MFHAS1: variants seen among roughly 807,000 people sequenced by gnomAD.
The protein encoded by MFHAS1 is multifunctional ROCO family signaling regulator 1, also known as malignant fibrous histiocytoma-amplified sequence 1.
In MFHAS1, 50 loss-of-function variants were observed where a neutral mutation model predicts 70.4. The ratio of observed to expected loss-of-function variants is 0.71; its 90% CI spans 0.57 to 0.90. The LOEUF is 0.90. Ranked by LOEUF, MFHAS1 falls within the 40% of genes least tolerant of loss-of-function variation. MFHAS1 has a pLI of 0.00. For missense variants in MFHAS1, 1,795 were observed against 1,347.6 expected (o/e 1.33, Z -5.20); for synonymous variants, 952 against 620.0 (o/e 1.54, Z -7.96).
At chr8:8,813,058 C>T (rs1327210535) in intron 1 of MFHAS1, among the ~76,000 whole-genome samples, 1 of 152,180 alleles carries the variant, frequency 6.6e-6, no homozygotes, top group East Asian at 1.9e-4. Context: ...TGAACCACTG[C>T]ACCTGGCCTT....
At position 8,892,732 on chromosome 8, in the gene MFHAS1, G is replaced by T; in HGVS notation, c.327C>A (p.Leu109=). 6.5e-7 allele frequency: 1 copy of T among 1,547,960 alleles called. No individual in the cohort carries two copies. The highest frequency in any genetic ancestry group is 1.2e-5 in the South Asian group (1 of 85,532). ...FARLPPAVAE[L]GHHLTELDVS... The stretch of plus-strand genomic sequence containing the variant: ...CGTCCAGCTCGGTGAGGTGGTGGCC[G>T]AGCTCGGCCACCGCCGGGGGCAGCC... Residue 109 remains leucine (L), a synonymous_variant, in exon 1 of 3, where the codon CTC becomes CTA. Coordinates refer to ENST00000276282, the MANE Select transcript of MFHAS1 (RefSeq NM_004225.3). This position sits in a 1 kb window ranked among gnomAD's most constrained non-coding sequence, Gnocchi z 4.7.
At chr8:8,789,360 T>C (rs1805653457) in intron 2 of MFHAS1, among the ~76,000 whole-genome samples, 1 of 152,112 alleles carries the variant, frequency 6.6e-6, no homozygotes, top group Non-Finnish European at 1.5e-5. Flanking sequence ...AGGAAGAACT[T>C]TGCGGGAGGA....
At chr8:8,879,646 C>G (rs988714089) in intron 1 of MFHAS1, among the ~76,000 whole-genome samples, 1 of 152,136 alleles carries the variant, frequency 6.6e-6, no homozygotes, top group Admixed American at 6.6e-5. Context: ...AGCCAGGGTT[C>G]CCCCCAAAGT....
At chr8:8,815,766 T>C (rs1313474788) in intron 1 of MFHAS1, among the ~76,000 whole-genome samples, 2 of 152,180 alleles carry the variant, frequency 1.3e-5, no homozygotes, top group Non-Finnish European at 2.9e-5. Flanking sequence ...AGTTGAAACA[T>C]ACACCTACCA....
intron 1 of MFHAS1, among the ~76,000 whole-genome samples, chr8:8,825,161 A>C (rs773772344): frequency 2.0e-5 from 3 of 152,132 alleles, no homozygotes; most frequent in Admixed American, 6.5e-5. Context: ...GGAGAACTTA[A>C]AGAAAAGGGT....
intron 1 of MFHAS1, among the ~76,000 whole-genome samples, chr8:8,850,752 G>C (rs142258969): frequency 2.1e-3 from 314 of 149,066 alleles, no homozygotes; most frequent in African/African-American, 7.4e-3. Flanking sequence ...TTGAATCCAG[G>C]AGGCGAAGGT....
intron 2 of MFHAS1, among the ~76,000 whole-genome samples, chr8:8,794,157 T>A (rs34722673): frequency 1.3e-5 from 2 of 151,372 alleles, no homozygotes; most frequent in African/African-American, 2.4e-5. Context: ...ACCACTGCAC[T>A]CCAGCCTGGG....
intron 2 of MFHAS1, among the ~76,000 whole-genome samples, chr8:8,797,135 C>T (rs1805931215): frequency 1.4e-5 from 2 of 139,050 alleles, no homozygotes; most frequent in South Asian, 4.7e-4. Context: ...AATGTTCTGA[C>T]TTTATTAGCT....
chr8:8,842,791 G>C (rs1011154033), intron 1 of MFHAS1, among the ~76,000 whole-genome samples: 1 of 152,194 alleles, frequency 6.6e-6, no homozygotes, highest in African/African-American at 2.4e-5. Context: ...ACCATCATGA[G>C]AAATCCCAGA....
Position 8,836,287 on chromosome 8 carries a change from G to A in MFHAS1, c.2999-38796C>T, listed in dbSNP as rs60691001. On this transcript the variant is annotated intron_variant, in intron 1 of 2. Coordinates refer to ENST00000276282, the MANE Select transcript of MFHAS1 (RefSeq NM_004225.3). ...TGAGTAGCCTCAGGTTCTGGGTGGC[G>A]TCCCTCTCAAAAAGTCTGCTTCTGT... 7.8e-3 allele frequency among the ~76,000 whole-genome samples: 1,194 copies of A among 152,250 alleles called. 16 individuals are homozygous for A. Among genetic ancestry groups the A allele is most frequent in the African/African-American group, 0.028 (1,143 of 41,536 alleles).
chr8:8,811,220 G>A (rs1806535160), intron 1 of MFHAS1, among the ~76,000 whole-genome samples: 1 of 152,018 alleles, frequency 6.6e-6, no homozygotes, highest in Non-Finnish European at 1.5e-5. Flanking sequence ...CTATGATGAC[G>A]GGAAAAGCAC....
intron 1 of MFHAS1, among the ~76,000 whole-genome samples, chr8:8,805,160 A>G (rs191368161): frequency 4.1e-4 from 62 of 152,238 alleles, no homozygotes; most frequent in Admixed American, 1.5e-3. Context: ...AGCCAAGGGG[A>G]AAAAACTGCT....
At chr8:8,832,619 A>ATTTTTT (rs753271051) in intron 1 of MFHAS1, among the ~76,000 whole-genome samples, 1 of 114,330 alleles carries the variant, frequency 8.7e-6, no homozygotes, top group Non-Finnish European at 1.9e-5. Flanking sequence ...TGCAACCAGA[A>ATTTTTT]TTTTTTTCTT....
intron 1 of MFHAS1, among the ~76,000 whole-genome samples, chr8:8,854,415 G>C (rs544914475): frequency 6.6e-5 from 10 of 152,128 alleles, no homozygotes; most frequent in Non-Finnish European, 1.3e-4. Context: ...CAGCTACTCC[G>C]GAGGCTGAGG....
At chr8:8,867,629 C>T (rs1345984500) in intron 1 of MFHAS1, among the ~76,000 whole-genome samples, 1 of 151,526 alleles carries the variant, frequency 6.6e-6, no homozygotes, top group East Asian at 1.9e-4. Context: ...GCAATCTCGG[C>T]TCACCAAAAG....
chr8:8,821,707 C>T (rs1806963277), intron 1 of MFHAS1: 1 of 152,204 alleles, frequency 6.6e-6, no homozygotes, highest in South Asian at 2.1e-4. Context: ...TTAGCAGATA[C>T]TACGCAGGTT....
Position 8,891,283 on chromosome 8 carries a change from G to T in MFHAS1, c.1776C>A (p.His592Gln). The change falls in exon 1 of 3, where the codon CAC becomes CAA. Residue 592 changes from histidine (H) to glutamine (Q), a missense_variant. By Grantham distance (24) the His-to-Gln change is conservative (BLOSUM62 0). Transcript: ENST00000276282. This position sits in a 1 kb window ranked among gnomAD's most constrained non-coding sequence, Gnocchi z 5.4. ...RDFELRSASPHAAYYGVSDKN... is the reference protein window; with the variant it reads ...RDFELRSASPQAAYYGVSDKN... The stretch of plus-strand genomic sequence containing the variant: ...TGTCCGAAACGCCATAGTAGGCTGC[G>T]TGGGGGCTGGCAGAGCGCAGCTCGA... The T allele has an allele frequency of 6.2e-7, 1 of 1,611,850 alleles. No homozygotes were observed. Among genetic ancestry groups the T allele is most frequent in the Non-Finnish European group, 8.5e-7 (1 of 1,180,020 alleles).
At position 8,880,516 on chromosome 8, in the gene MFHAS1, G is replaced by A. The variant is rs181263705; in HGVS notation, c.2998+9545C>T. On this transcript the variant is annotated intron_variant, in intron 1 of 2. Transcript: ENST00000276282. ...TCACCCAAAAGGCAGAATGGCACAC[G>A]CACAACAGAAACCTCCAGAGAGTAG... 6.3e-4 allele frequency among the ~76,000 whole-genome samples: 96 copies of A among 152,258 alleles called. 1 individual carries two copies. The highest frequency in any genetic ancestry group is 3.7e-3 in the Admixed American group (56 of 15,280).
intron 1 of MFHAS1, among the ~76,000 whole-genome samples, chr8:8,870,437 G>C (rs576326710): frequency 6.6e-6 from 1 of 152,200 alleles, no homozygotes; most frequent in Admixed American, 6.5e-5. Context: ...CCTCACTCCA[G>C]CCTAAATGAC....
Sources: allele counts gnomAD v4.1 joint callset (sites outside exome capture counted in the v4.1 genomes callset), GRCh38; gene constraint gnomAD v4.1.1; non-coding constraint Gnocchi (gnomAD v3.1); transcripts MANE v1.5; gene names NCBI Gene and HGNC (gene_info 2026-07-23, HGNC 2026-07-21).